MCAM: variants seen among roughly 807,000 people sequenced by gnomAD.
MCAM encodes melanoma cell adhesion molecule.
In MCAM, 55 loss-of-function variants were observed where a neutral mutation model predicts 79.1. The ratio of observed to expected loss-of-function variants is 0.70; its 90% CI spans 0.56 to 0.87. The LOEUF is 0.87. Ranked by LOEUF, MCAM falls within the 40% of genes least tolerant of loss-of-function variation. MCAM has a pLI of 0.00. For synonymous variants in MCAM, 330 were observed against 339.8 expected, an observed-to-expected ratio of 0.97 and a Z score of 0.32; for missense variants, 745 against 839.8, an observed-to-expected ratio of 0.89 and a Z score of 1.40.
rs1445256557 is a variant in MCAM at position 119,314,986 on chromosome 11, T to TCTGGAC, written c.246_247insGTCCAG (p.Gln82_Ser83insValGln). The TCTGGAC allele has an allele frequency of 6.2e-7, 1 of 1,610,708 alleles. No individual in the cohort carries two copies. Among genetic ancestry groups the TCTGGAC allele is most frequent in the African/African-American group, 1.3e-5 (1 of 74,906 alleles). ...CGCTGCTCGTACTCCCCAGGTTCGCTCTGGCCCTGGCCCTGGCGCACACGG... is the reference window on the plus strand; with the variant it reads ...CGCTGCTCGTACTCCCCAGGTTCGCTCTGGACCTGGCCCTGGCCCTGGCGCACACGG... On this transcript the variant is annotated inframe_insertion, in exon 3 of 16. Coordinates refer to ENST00000264036, the MANE Select transcript of MCAM (RefSeq NM_006500.3).
At position 119,315,285 on chromosome 11, in the gene MCAM, C is replaced by T. The variant is rs1212061428; in HGVS notation, c.68-22G>A. 3 of 1,599,454 alleles carry T rather than the reference C, an allele frequency of 1.9e-6. No homozygotes were observed. Among genetic ancestry groups the T allele is most frequent in the Non-Finnish European group, 1.7e-6 (2 of 1,176,994 alleles). On this transcript the variant is annotated intron_variant, in intron 1 of 15. Transcript: ENST00000264036. This position sits in a 1 kb window ranked among gnomAD's most constrained non-coding sequence, Gnocchi z 4.4. ...ACACCTGGGGGAGGGAGGCGGGGCC[C>T]CCGCAGCTGTGTCAGCTCCGGCTGC...
Position 119,316,533 on chromosome 11 carries a change from G to C in MCAM, c.67+502C>G, listed in dbSNP as rs1950312523. 6.5e-6 allele frequency: 1 copy of C among 154,406 alleles called. No homozygotes were observed. Among genetic ancestry groups the C allele is most frequent in the South Asian group, 1.9e-4 (1 of 5,194 alleles). The allele number at this position is 154,406 out of a possible 1,614,324, so 9.6% of individuals were successfully genotyped here. A position where few individuals can be genotyped will look rare whatever the true frequency, so the allele number is the denominator to read the frequency against. ...CCCTGCCAACGCCCAGCTCGGGCGG[G>C]AGCCGCCGAACCTCCCGCTCTCGCT... On this transcript the variant is annotated intron_variant, in intron 1 of 15. Transcript: ENST00000264036. The surrounding 1 kb of genome is among the most constrained non-coding windows in gnomAD (Gnocchi z 4.8).
rs117152376 is a variant in MCAM, at chr11:119,309,418, G to A, written c.*468C>T. On this transcript the variant is annotated 3_prime_UTR_variant, in exon 16 of 16. Transcript: ENST00000264036. ...ATGCTGCTGGGGTGCTCTCCGGAGC[G>A]GGTGTGAACAGCGCACTTCAACATG... 156 of 166,136 alleles carry A rather than the reference G, an allele frequency of 9.4e-4. 3 individuals carry two copies. In the East Asian group the frequency reaches 0.024, roughly 25 times the overall value. 10.3% of individuals were successfully genotyped at this position (166,136 alleles called of 1,614,324 possible). A position where few individuals can be genotyped will look rare whatever the true frequency, so the allele number is the denominator to read the frequency against.
intron 13 of MCAM, 47 bp from the exon 14 acceptor site, chr11:119,310,950 CGT>C: frequency 6.2e-7 from 1 of 1,613,858 alleles, no homozygotes; most frequent in Non-Finnish European, 8.5e-7. Flanking sequence ...CAGGCCACTT[CGT>C]CACCATCGTT....
Position 119,311,047 on chromosome 11 carries a change from G to T in MCAM, c.1645+43C>A. 6.2e-7 allele frequency: 1 copy of T among 1,614,192 alleles called. No homozygotes were observed. The highest frequency in any genetic ancestry group is 8.5e-7 in the Non-Finnish European group (1 of 1,180,028). ...CTCTGGGGAGGGACAGGGCAGAAAG[G>T]ATGCCCTGGCACAGCCCTGTTCTCT... On this transcript the variant is annotated intron_variant, in intron 13 of 15. Coordinates refer to ENST00000264036, the MANE Select transcript of MCAM (RefSeq NM_006500.3). The surrounding 1 kb of genome is among the most constrained non-coding windows in gnomAD (Gnocchi z 4.4).
At position 119,311,127 on chromosome 11, in the gene MCAM, A is replaced by C; in HGVS notation, c.1608T>G (p.Thr536=). The C allele has an allele frequency of 6.2e-7, 1 of 1,614,202 alleles. No individual in the cohort carries two copies. Reference sequence around the variant, plus strand: ...TGTTGGCTCTGGTATGAGGACTGGCAGTGGAAGTGCTGAGGCCAGTGGTTG... The same window carrying C: ...TGTTGGCTCTGGTATGAGGACTGGCCGTGGAAGTGCTGAGGCCAGTGGTTG... The part of the protein sequence containing the change: ...SNTTTGLSTS[T]ASPHTRANST... Residue 536 remains threonine (T), a synonymous_variant, in exon 13 of 16, where the codon ACT becomes ACG. Transcript: ENST00000264036. This position sits in a 1 kb window ranked among gnomAD's most constrained non-coding sequence, Gnocchi z 4.4.
chr11:119,311,751 G>T lies in MCAM; in HGVS notation c.1285+57C>A. The T allele has an allele frequency of 6.2e-7, 1 of 1,608,532 alleles. No homozygotes were observed. Among genetic ancestry groups the T allele is most frequent in the Non-Finnish European group, 8.5e-7 (1 of 1,176,528 alleles). On this transcript the variant is annotated intron_variant, in intron 10 of 15. Coordinates refer to ENST00000264036, the MANE Select transcript of MCAM (RefSeq NM_006500.3). This position sits in a 1 kb window ranked among gnomAD's most constrained non-coding sequence, Gnocchi z 4.4. ...GCAGCAGGTGGCTTTTTGTCAAAGA[G>T]CTTAAAAACCACCCCACTTGGGGTG... is the stretch of plus-strand genomic sequence containing the variant.
chr11:119,313,026 T>C, intron 5 of MCAM, 77 bp from the exon 6 acceptor site: 5 of 1,603,406 alleles, frequency 3.1e-6, no homozygotes, highest in Non-Finnish European at 3.4e-6. Flanking sequence ...CCACTGGGGT[T>C]GGCAGGGGAC....
Position 119,309,765 on chromosome 11 carries a change from G to T in MCAM, c.*121C>A, listed in dbSNP as rs557747994. On this transcript the variant is annotated 3_prime_UTR_variant, in exon 16 of 16. Transcript: ENST00000264036. ...TAACCCAGTGGCCCTCTGAAAGGGG[G>T]TGTGCAGGCGAGGGGAGCAGGAGGC... is the stretch of plus-strand genomic sequence containing the variant. 2.9e-6 allele frequency: 3 copies of T among 1,028,128 alleles called. No homozygotes were observed. Among genetic ancestry groups the T allele is most frequent in the Admixed American group, 2.1e-5 (1 of 47,726 alleles). 63.7% of individuals were successfully genotyped at this position (1,028,128 alleles called of 1,614,324 possible).
At chr11:119,310,603 A>G (rs1950217527) in intron 14 of MCAM, 137 bp from the exon 15 acceptor site, 16 of 1,070,844 alleles carry the variant, frequency 1.5e-5, no homozygotes, top group Non-Finnish European at 2.0e-5. Flanking sequence ...TCATGAGACC[A>G]TGTGGCTGAT....
chr11:119,309,963 T>C, intron 15 of MCAM, 48 bp from the exon 16 acceptor site: 11 of 1,503,204 alleles, frequency 7.3e-6, no homozygotes, highest in Non-Finnish European at 1.0e-5. Context: ...CGGTGCTGAG[T>C]TGAAGGTGTG....
At position 119,312,320 on chromosome 11, in the gene MCAM, C is replaced by G. The variant is rs1409621620; in HGVS notation, c.970G>C (p.Asp324His). Residue 324 changes from aspartate (D) to histidine (H), a missense_variant, in exon 8 of 16, where the codon GAC becomes CAC. Asp to His is a moderately conservative substitution (Grantham distance 81). Coordinates refer to ENST00000264036, the MANE Select transcript of MCAM (RefSeq NM_006500.3). The surrounding 1 kb of genome is among the most constrained non-coding windows in gnomAD (Gnocchi z 4.9). Reference sequence around the variant, plus strand: ...AGCAGCGATATCATGGTGTCCAAGTCCAGGCCCTGACATTCATAGCGCCCA... The same window carrying G: ...AGCAGCGATATCATGGTGTCCAAGTGCAGGCCCTGACATTCATAGCGCCCA... ...HSGRYECQGL[D>H]LDTMISLLSE... is the part of the protein sequence containing the mutation. The G allele has an allele frequency of 6.2e-7, 1 of 1,614,020 alleles. No homozygotes were observed. The highest frequency in any genetic ancestry group is 8.5e-7 in the Non-Finnish European group (1 of 1,180,024).
At position 119,314,922 on chromosome 11, in the gene MCAM, G is replaced by A. The variant is rs1444273073; in HGVS notation, c.311C>T (p.Thr104Ile). 1.2e-6 allele frequency: 2 copies of A among 1,613,022 alleles called. No homozygotes were observed. Among genetic ancestry groups the A allele is most frequent in the Admixed American group, 1.7e-5 (1 of 60,008 alleles). ...GCGCTCGTCTTGGGGGGTGACTTGA[G>A]TCAGGGCCAGAGTAGCCCCTCTGTC... is the stretch of plus-strand genomic sequence containing the variant. ...LQDRGATLAL[T>I]QVTPQDERIF... The change falls in exon 3 of 16, where the codon ACT becomes ATT. Residue 104 changes from threonine to isoleucine, a missense_variant. By Grantham distance (89) the Thr-to-Ile change is moderately conservative. Coordinates refer to ENST00000264036, the MANE Select transcript of MCAM (RefSeq NM_006500.3).
At position 119,309,729 on chromosome 11, in the gene MCAM, T is replaced by C; in HGVS notation, c.*157A>G. 1.4e-6 allele frequency: 1 copy of C among 706,296 alleles called. No homozygotes were observed. Among genetic ancestry groups the C allele is most frequent in the Non-Finnish European group, 2.4e-6 (1 of 412,654 alleles). 43.8% of individuals were successfully genotyped at this position (706,296 alleles called of 1,614,324 possible). ...GCGGGCCTTGCAGGGCCAAGTGAGG[T>C]CCTCAGGTCCTAACCCAGTGGCCCT... On this transcript the variant is annotated 3_prime_UTR_variant, in exon 16 of 16. Transcript: ENST00000264036.
chr11:119,310,694 T>G lies in MCAM; in HGVS notation c.1793+62A>C, dbSNP rs1451151977. 8 of 1,565,664 alleles carry G rather than the reference T, an allele frequency of 5.1e-6. No individual in the cohort carries two copies. The Admixed American group carries it at 6.9e-5, about 13-fold the overall frequency. On this transcript the variant is annotated intron_variant, in intron 14 of 15. Transcript: ENST00000264036. ...CTGCTGTCAAGGGGCAGGCGGGCGCTGGGCAGGCAGCAGGCTGGGTGGCAA... is the reference window on the plus strand; with the variant it reads ...CTGCTGTCAAGGGGCAGGCGGGCGCGGGGCAGGCAGCAGGCTGGGTGGCAA...
rs749091492 is a variant in MCAM, at chr11:119,311,837, C to T, written c.1256G>A (p.Arg419His). The change falls in exon 10 of 16, where the codon CGC becomes CAC. Residue 419 changes from arginine (R) to histidine (H), a missense_variant. Arg to His is a conservative substitution (Grantham distance 29, BLOSUM62 0). Transcript: ENST00000264036. This position sits in a 1 kb window ranked among gnomAD's most constrained non-coding sequence, Gnocchi z 4.4. ...ASVPSIPGLN[R>H]TQLVNVAIFG... ...AATGGCCACGTTGACCAGCTGTGTG[C>T]GGTTCAGGCCGGGTATGCTGGGCAC... 36 of 1,614,004 alleles carry T rather than the reference C, an allele frequency of 2.2e-5. No homozygotes were observed. The highest frequency in any genetic ancestry group is 6.7e-5 in the Admixed American group (4 of 59,994).
At chr11:119,314,021 G>A (rs938243992) in intron 5 of MCAM, 77 of 982,842 alleles carry the variant, frequency 7.8e-5, no homozygotes, top group Non-Finnish European at 8.3e-5. Flanking sequence ...TGGGAGGGGG[G>A]GTCTCAGGCA....
Position 119,311,035 on chromosome 11 carries a change from C to G in MCAM, c.1645+55G>C, listed in dbSNP as rs1170851331. 6.2e-7 allele frequency: 1 copy of G among 1,614,148 alleles called. No homozygotes were observed. The highest frequency in any genetic ancestry group is 1.7e-5 in the Admixed American group (1 of 60,034). ...CTGGACAGGGCTCTCTGGGGAGGGA[C>G]AGGGCAGAAAGGATGCCCTGGCACA... On this transcript the variant is annotated intron_variant, in intron 13 of 15. Coordinates refer to ENST00000264036, the MANE Select transcript of MCAM (RefSeq NM_006500.3). The surrounding 1 kb of genome is among the most constrained non-coding windows in gnomAD (Gnocchi z 4.4).
Position 119,314,752 on chromosome 11 carries a change from A to G in MCAM, c.401-3T>C. ...GATGTTTGGCTCCTCCGGAGCTTCT[A>G]CAAGAAAATAGAAATGAGGGGGACA... On this transcript the variant is annotated splice_polypyrimidine_tract_variant and splice_region_variant and intron_variant, in intron 3 of 15. Coordinates refer to ENST00000264036, the MANE Select transcript of MCAM (RefSeq NM_006500.3). 2 of 1,613,658 alleles carry G rather than the reference A, an allele frequency of 1.2e-6. No individual in the cohort carries two copies. The highest frequency in any genetic ancestry group is 1.7e-6 in the Non-Finnish European group (2 of 1,179,900).
Sources: allele counts gnomAD v4.1 joint callset, GRCh38; gene constraint gnomAD v4.1.1; non-coding constraint Gnocchi (gnomAD v3.1); transcripts MANE v1.5; gene names NCBI Gene and HGNC (gene_info 2026-07-23, HGNC 2026-07-21).